FMN2: variants seen among roughly 807,000 people sequenced by gnomAD.
FMN2 encodes formin-2.
A neutral mutation model predicts 142.3 loss-of-function variants in FMN2; 51 were observed. That is an observed-to-expected ratio of 0.36 (90% confidence interval 0.29 to 0.45). FMN2 has a LOEUF of 0.45. Among genes scored for constraint, FMN2 ranks in the 20% least tolerant of loss-of-function variants. The pLI is 1.00. For missense variants in FMN2, 1,936 were observed against 2,122.8 expected, an observed-to-expected ratio of 0.91 and a Z score of 1.73; for synonymous variants, 882 against 869.8, an observed-to-expected ratio of 1.01 and a Z score of -0.25.
At chr1:240,349,880 G>A (rs1410255853) in intron 13 of FMN2, among the ~76,000 whole-genome samples, 1 of 151,980 alleles carries the variant, frequency 6.6e-6, no homozygotes, top group Non-Finnish European at 1.5e-5. Flanking sequence ...AGTTTTCCAG[G>A]AACTCTATCT....
chr1:240,156,225 G>A (rs1048993760), intron 2 of FMN2, among the ~76,000 whole-genome samples: 1 of 152,102 alleles, frequency 6.6e-6, no homozygotes, highest in Non-Finnish European at 1.5e-5. Flanking sequence ...ACTCTAGCCT[G>A]AGCAACAGAG....
intron 7 of FMN2, among the ~76,000 whole-genome samples, chr1:240,290,387 T>C (rs562045461): frequency 5.3e-5 from 8 of 152,212 alleles, no homozygotes; most frequent in Non-Finnish European, 1.2e-4. Flanking sequence ...ATAGCTATTG[T>C]GAAATTAACT....
intron 16 of FMN2, among the ~76,000 whole-genome samples, chr1:240,460,572 G>T (rs1429319756): frequency 6.6e-6 from 1 of 151,890 alleles, no homozygotes; most frequent in Non-Finnish European, 1.5e-5. Context: ...GCAAAACTCT[G>T]TCTCAAAAAA....
intron 2 of FMN2, among the ~76,000 whole-genome samples, chr1:240,126,967 GGA>G (rs574663257): frequency 5.3e-4 from 80 of 152,198 alleles, no homozygotes; most frequent in South Asian, 5.0e-3. Context: ...GAGGTCTGTG[GGA>G]AGGCCATTCC....
intron 2 of FMN2, among the ~76,000 whole-genome samples, chr1:240,123,555 T>C (rs12021945): frequency 0.25 from 37,569 of 150,822 alleles, 5,699 homozygotes; most frequent in Non-Finnish European, 0.34. Context: ...TAAGTACATT[T>C]GCCAAACCTC....
At chr1:240,187,102 CAAAAAAAAA>C (rs35262264) in intron 3 of FMN2, among the ~76,000 whole-genome samples, 13 of 117,398 alleles carry the variant, frequency 1.1e-4, no homozygotes, top group African/African-American at 4.1e-4. Flanking sequence ...CCGTCTGTAC[CAAAAAAAAA>C]AAAAAAAAAT....
At chr1:240,122,060 C>CTT (rs2103216328) in intron 1 of FMN2, among the ~76,000 whole-genome samples, 1 of 97,510 alleles carries the variant, frequency 1.0e-5, no homozygotes, top group East Asian at 2.4e-4. Flanking sequence ...CTTTTGGATC[C>CTT]AAAATTAATT....
chr1:240,143,364 G>A, intron 2 of FMN2: 2 of 1,459,920 alleles, frequency 1.4e-6, no homozygotes, highest in Non-Finnish European at 1.9e-6. Flanking sequence ...AGTGGCCAAA[G>A]GTTCATAGTG....
chr1:240,216,844 G>T (rs1449511266), intron 6 of FMN2, among the ~76,000 whole-genome samples: 1 of 152,050 alleles, frequency 6.6e-6, no homozygotes, highest in Non-Finnish European at 1.5e-5. Context: ...AGCTACTCAG[G>T]AGGCTGAGGC....
At chr1:240,356,080 G>A (rs1325260098) in intron 14 of FMN2, among the ~76,000 whole-genome samples, 172 bp downstream of exon 14, 2 of 151,556 alleles carry the variant, frequency 1.3e-5, no homozygotes, top group Non-Finnish European at 2.9e-5. Flanking sequence ...TGAGTCACAG[G>A]GTTGTAAGAG....
chr1:240,293,755 G>A (rs1669869799), intron 7 of FMN2, among the ~76,000 whole-genome samples: 1 of 151,940 alleles, frequency 6.6e-6, no homozygotes, highest in South Asian at 2.1e-4. Flanking sequence ...TATTCTACTT[G>A]GTACAATATT....
intron 11 of FMN2, among the ~76,000 whole-genome samples, chr1:240,332,988 A>G (rs1159317986): frequency 3.3e-5 from 5 of 152,184 alleles, no homozygotes; most frequent in Admixed American, 3.3e-4. Flanking sequence ...TTACTGACTC[A>G]TGTCAAACTT....
intron 4 of FMN2, among the ~76,000 whole-genome samples, chr1:240,204,742 A>C (rs1284557346): frequency 1.3e-5 from 2 of 152,118 alleles, no homozygotes; most frequent in Admixed American, 6.5e-5. Flanking sequence ...CAAGAGCGAA[A>C]CTCCGTCGCA....
intron 2 of FMN2, among the ~76,000 whole-genome samples, chr1:240,137,025 G>A (rs369648973): frequency 2.8e-5 from 4 of 142,232 alleles, no homozygotes; most frequent in Non-Finnish European, 6.0e-5. Flanking sequence ...AGCCGAGATC[G>A]CGCTACTGCA....
At position 240,208,671 on chromosome 1, in the gene FMN2, A is replaced by C; in HGVS notation, c.3859A>C (p.Ile1287Leu). 1 of 1,613,884 alleles carries C rather than the reference A, an allele frequency of 6.2e-7. No individual in the cohort carries two copies. Among genetic ancestry groups the C allele is most frequent in the Non-Finnish European group, 8.5e-7 (1 of 1,180,012 alleles). ...GGACAAAGGGAGTAGGAAGCAGCCC[A>C]TAGAGCCTTGTCGACCAATGAAGCC... ...NQDKGSRKQPIEPCRPMKPLY... is the reference protein window; with the variant it reads ...NQDKGSRKQPLEPCRPMKPLY... The change falls in exon 5 of 18, where the codon ATA becomes CTA. Residue 1287 changes from isoleucine (I) to leucine (L), a missense_variant. Around this residue, in one of 8 missense-constraint regions of FMN2, gnomAD observed 259 missense variants for 230.9 expected, o/e 1.12. Coordinates refer to ENST00000319653, the MANE Select transcript of FMN2 (RefSeq NM_020066.5).
chr1:240,159,513 G>C (rs190669398), intron 2 of FMN2, among the ~76,000 whole-genome samples: 1 of 152,140 alleles, frequency 6.6e-6, no homozygotes, highest in Admixed American at 6.6e-5. Context: ...CCATCTAAGA[G>C]TCAGGTATTA....
At chr1:240,191,457 A>T (rs1665693551) in intron 4 of FMN2, among the ~76,000 whole-genome samples, 3 of 152,250 alleles carry the variant, frequency 2.0e-5, no homozygotes, top group Non-Finnish European at 1.5e-5. Flanking sequence ...AGGTTTTCAA[A>T]TAAAATTACA....
chr1:240,114,692 TCTGTCGCCAGA>T (rs1661954154), intron 1 of FMN2, among the ~76,000 whole-genome samples: 1 of 142,420 alleles, frequency 7.0e-6, no homozygotes, highest in African/African-American at 2.6e-5. Flanking sequence ...AGTCTCACAC[TCTGTCGCCAGA>T]CTGGAGTGCA....
At chr1:240,152,536 G>A (rs140419481) in intron 2 of FMN2, among the ~76,000 whole-genome samples, 4 of 152,138 alleles carry the variant, frequency 2.6e-5, no homozygotes, top group South Asian at 4.2e-4. Flanking sequence ...AGCATCATGC[G>A]GTAGACTCAT....
Sources: allele counts gnomAD v4.1 joint callset (sites outside exome capture counted in the v4.1 genomes callset), GRCh38; gene constraint gnomAD v4.1.1; regional missense constraint gnomAD v4.1.1; transcripts MANE v1.5; gene names NCBI Gene and HGNC (gene_info 2026-07-23, HGNC 2026-07-21).